Variants in GRM5 observed in about 807,000 individuals in gnomAD.
The protein encoded by GRM5 is glutamate metabotropic receptor 5.
In GRM5, 19 loss-of-function variants were observed where a neutral mutation model predicts 83.1. The observed-to-expected ratio is 0.23, with a 90% CI of 0.16 to 0.34. GRM5 has a LOEUF of 0.34. GRM5 is among the 10% of genes least tolerant of loss of function. The pLI, the probability that GRM5 is intolerant of heterozygous loss-of-function variation, is 1.00. For synonymous variants in GRM5, 675 were observed against 633.6 expected, an observed-to-expected ratio of 1.07 and a Z score of -0.98; for missense variants, 1,160 against 1,588.3, an observed-to-expected ratio of 0.73 and a Z score of 4.58.
intron 1 of GRM5, among the ~76,000 whole-genome samples, chr11:89,060,293 C>A (rs1591086702): frequency 6.6e-6 from 1 of 151,844 alleles, no homozygotes; most frequent in Admixed American, 6.6e-5. Context: ...TATACACACA[C>A]ACACACACAC....
intron 3 of GRM5, among the ~76,000 whole-genome samples, chr11:88,804,632 C>T (rs1943465807): frequency 6.6e-6 from 1 of 152,054 alleles, no homozygotes; most frequent in Admixed American, 6.6e-5. Flanking sequence ...CACATGTATA[C>T]ATATGTAACT....
intron 3 of GRM5, among the ~76,000 whole-genome samples, chr11:88,724,229 C>G (rs532176688): frequency 6.6e-6 from 1 of 152,316 alleles, no homozygotes; most frequent in African/African-American, 2.4e-5. Context: ...TAAGCACATA[C>G]CATCCCTGAT....
chr11:88,683,857 A>T (rs1413376728), intron 3 of GRM5, among the ~76,000 whole-genome samples: 1 of 152,242 alleles, frequency 6.6e-6, no homozygotes, highest in East Asian at 1.9e-4. Flanking sequence ...AGCAGAAAAA[A>T]CAAATACACA....
chr11:88,918,521 G>A (rs1180502428), intron 2 of GRM5, among the ~76,000 whole-genome samples: 1 of 151,798 alleles, frequency 6.6e-6, no homozygotes, highest in African/African-American at 2.4e-5. Context: ...TGAAAGAAAA[G>A]GACATTAAGG....
In GRM5 at chr11:88,638,542, A is replaced by C. The variant is rs569539260; in HGVS notation, c.1147+14626T>G. Among the ~76,000 whole-genome samples the C allele has an allele frequency of 2.8e-4, 43 of 152,112 alleles. No homozygotes were observed. The South Asian group carries it at 8.7e-3, about 31-fold the overall frequency. On this transcript the variant is annotated intron_variant, in intron 4 of 9. Transcript: ENST00000305447. Reference sequence around the variant, plus strand: ...TTCTACTTCTTTACTTTTCTGGTAGAGTTTACATAGAATTGATGTCTGTTT... The same window carrying C: ...TTCTACTTCTTTACTTTTCTGGTAGCGTTTACATAGAATTGATGTCTGTTT...
At chr11:88,866,398 T>G (rs1944666304) in intron 2 of GRM5, among the ~76,000 whole-genome samples, 1 of 152,000 alleles carries the variant, frequency 6.6e-6, no homozygotes, top group South Asian at 2.1e-4. Context: ...CACTGGGGCC[T>G]GTCAGGGGAT....
intron 4 of GRM5, among the ~76,000 whole-genome samples, chr11:88,647,674 G>A (rs1169702506): frequency 6.6e-6 from 1 of 152,206 alleles, no homozygotes; most frequent in East Asian, 1.9e-4. Context: ...AAACTCAAGA[G>A]CTTCTGCACA....
At chr11:88,775,568 T>C (rs1461913756) in intron 3 of GRM5, among the ~76,000 whole-genome samples, 1 of 152,202 alleles carries the variant, frequency 6.6e-6, no homozygotes, top group Non-Finnish European at 1.5e-5. Context: ...CTTTCTCTTG[T>C]GGGCATTTAG....
chr11:88,809,690 A>C (rs2135495810), intron 3 of GRM5, among the ~76,000 whole-genome samples: 1 of 152,150 alleles, frequency 6.6e-6, no homozygotes, highest in Admixed American at 6.6e-5. Context: ...AGGCAGCATT[A>C]AAGACATGTA....
In GRM5 at chr11:88,590,795, A is replaced by G. The variant is rs1476339857; in HGVS notation, c.1564-68T>C. ...AAAAATCCAACAATTCTATATTCCA[A>G]TGTGCTGTTTTGCAAAGCAGAAAGG... On this transcript the variant is annotated intron_variant, in intron 6 of 9. Transcript: ENST00000305447. The G allele has an allele frequency of 3.9e-6, 5 of 1,295,704 alleles. No individual in the cohort carries two copies. In the African/African-American group the frequency reaches 4.4e-5, roughly 11 times the overall value. The allele number at this position is 1,295,704 out of a possible 1,614,324, so 80.3% of individuals were successfully genotyped here.
chr11:88,616,389 G>GTTTT (rs68153026), intron 4 of GRM5, among the ~76,000 whole-genome samples: 14 of 95,774 alleles, frequency 1.5e-4, no homozygotes, highest in African/African-American at 5.3e-4. Context: ...GCTTTGGAGT[G>GTTTT]TTTTTTTTTT....
chr11:88,831,033 C>G (rs1271375305), intron 3 of GRM5, among the ~76,000 whole-genome samples: 1 of 152,056 alleles, frequency 6.6e-6, no homozygotes, highest in East Asian at 1.9e-4. Context: ...GGCCCTCCCA[C>G]AACACATGGG....
At chr11:88,854,008 C>G (rs1201749338) in intron 2 of GRM5, among the ~76,000 whole-genome samples, 1 of 146,878 alleles carries the variant, frequency 6.8e-6, no homozygotes, top group Non-Finnish European at 1.5e-5. Flanking sequence ...GCATTATTTA[C>G]AAAAGCCAAG....
At chr11:88,748,596 A>G (rs1348069660) in intron 3 of GRM5, among the ~76,000 whole-genome samples, 1 of 152,162 alleles carries the variant, frequency 6.6e-6, no homozygotes, top group East Asian at 1.9e-4. Context: ...GAAAGCATCC[A>G]GACTGCTTCT....
intron 4 of GRM5, among the ~76,000 whole-genome samples, chr11:88,640,362 C>A (rs1393520012): frequency 6.6e-6 from 1 of 152,114 alleles, no homozygotes; most frequent in East Asian, 1.9e-4. Context: ...GTTCAGAGTT[C>A]TGAGAGTAAA....
At chr11:89,021,427 C>G (rs1940981094) in intron 2 of GRM5, among the ~76,000 whole-genome samples, 1 of 152,078 alleles carries the variant, frequency 6.6e-6, no homozygotes, top group South Asian at 2.1e-4. Flanking sequence ...TTCCTTGATT[C>G]TCAAGGAAGT....
At chr11:88,740,011 C>A (rs1941995367) in intron 3 of GRM5, among the ~76,000 whole-genome samples, 1 of 152,070 alleles carries the variant, frequency 6.6e-6, no homozygotes, top group African/African-American at 2.4e-5. Context: ...TATAAAGAAG[C>A]TCATGACACT....
At chr11:88,756,787 C>T (rs1468116901) in intron 3 of GRM5, among the ~76,000 whole-genome samples, 1 of 151,932 alleles carries the variant, frequency 6.6e-6, no homozygotes, top group Admixed American at 6.6e-5. Context: ...GATAAGGGAC[C>T]TATCTGTAGG....
At chr11:88,679,698 T>C (rs545055857) in intron 3 of GRM5, among the ~76,000 whole-genome samples, 1 of 152,296 alleles carries the variant, frequency 6.6e-6, no homozygotes, top group South Asian at 2.1e-4. Flanking sequence ...TAGATTGAAT[T>C]TGGCAATTCT....
Sources: gnomAD v4.1 joint callset for allele counts (sites outside exome capture counted in the v4.1 genomes callset) on GRCh38, gnomAD v4.1.1 for gene constraint, MANE v1.5 for transcripts, NCBI Gene and HGNC (gene_info 2026-07-23, HGNC 2026-07-21) for gene names.